LCP1: variants seen among roughly 807,000 people sequenced by gnomAD.
The protein encoded by LCP1 is plastin-2.
In LCP1, 23 loss-of-function variants were observed where a neutral mutation model predicts 72.0. The ratio of observed to expected loss-of-function variants is 0.32; its 90% CI spans 0.23 to 0.45. The LOEUF (loss-of-function observed/expected upper bound fraction) is 0.45. Among genes scored for constraint, LCP1 ranks in the 20% least tolerant of loss-of-function variants. The pLI, the probability that LCP1 is intolerant of heterozygous loss-of-function variation, is 1.00. For synonymous variants in LCP1, 245 were observed against 275.4 expected (o/e 0.89, Z 1.09); for missense variants, 571 against 748.3 (o/e 0.76, Z 2.76).
intron 4 of LCP1, among the ~76,000 whole-genome samples, chr13:46,157,742 T>C (rs940944954): frequency 2.1e-5 from 2 of 93,702 alleles, no homozygotes; most frequent in Admixed American, 9.9e-5. Context: ...ATGACTTATC[T>C]TTTTTTTTTT....
chr13:46,179,777 T>C (rs2045947770), intron 1 of LCP1, among the ~76,000 whole-genome samples: 1 of 150,924 alleles, frequency 6.6e-6, no homozygotes, highest in African/African-American at 2.4e-5. Context: ...TAGTGGGAGG[T>C]TGAACAGAAG....
At chr13:46,166,837 C>T (rs772775576) in intron 1 of LCP1, among the ~76,000 whole-genome samples, 14 of 152,016 alleles carry the variant, frequency 9.2e-5, no homozygotes, top group African/African-American at 1.5e-4. Flanking sequence ...TCTTACTTTG[C>T]GAATATATGG....
At chr13:46,170,145 A>G (rs1566445995) in intron 1 of LCP1, among the ~76,000 whole-genome samples, 1 of 152,246 alleles carries the variant, frequency 6.6e-6, no homozygotes, top group Non-Finnish European at 1.5e-5. Context: ...TTCTTTGAGG[A>G]ATTTAACAAT....
rs2138233169 is a variant in LCP1, at chr13:46,142,291, C to A, written c.1502+1G>T. On this transcript the variant is annotated splice_donor_variant, in intron 13 of 15. Transcript: ENST00000323076. LOFTEE classifies it high-confidence loss of function. ...AAAGCCACTTCCATAAGCTATACTACCTTCTCATTAGCTGCCAAATCAAGG... is the reference window on the plus strand; with the variant it reads ...AAAGCCACTTCCATAAGCTATACTAACTTCTCATTAGCTGCCAAATCAAGG... 1 of 1,613,476 alleles carries A rather than the reference C, an allele frequency of 6.2e-7. No individual in the cohort carries two copies.
intron 8 of LCP1, among the ~76,000 whole-genome samples, chr13:46,149,547 C>T (rs1194061099): frequency 1.3e-5 from 2 of 152,202 alleles, no homozygotes; most frequent in Non-Finnish European, 2.9e-5. Flanking sequence ...TGGGTGTTCT[C>T]CTCGCCTTTG....
intron 1 of LCP1, among the ~76,000 whole-genome samples, chr13:46,175,553 G>A (rs937736217): frequency 5.9e-5 from 9 of 152,080 alleles, no homozygotes; most frequent in East Asian, 1.9e-4. Context: ...GAAGAACTGC[G>A]TGCAGTGAAC....
intron 7 of LCP1, among the ~76,000 whole-genome samples, chr13:46,151,889 T>C (rs574147370): frequency 6.6e-6 from 1 of 152,352 alleles, no homozygotes; most frequent in East Asian, 1.9e-4. Context: ...GTGGGCTACC[T>C]CTGTCTAAGC....
chr13:46,130,687 G>T, intron 15 of LCP1, 127 bp downstream of exon 15: 3 of 1,143,592 alleles, frequency 2.6e-6, no homozygotes, highest in Non-Finnish European at 1.2e-6. Context: ...AGAAAGTCAT[G>T]AGAAGGAAAA....
At chr13:46,180,696 C>T (rs909463799) in intron 1 of LCP1, among the ~76,000 whole-genome samples, 1 of 152,226 alleles carries the variant, frequency 6.6e-6, no homozygotes, top group Non-Finnish European at 1.5e-5. Flanking sequence ...GTAAACTTAA[C>T]TTTAAACAGG....
intron 1 of LCP1, 111 bp downstream of exon 1, chr13:46,182,000 G>A (rs2045958327): frequency 6.6e-6 from 1 of 152,212 alleles, no homozygotes; most frequent in Admixed American, 6.5e-5. Flanking sequence ...GGTCTCAGGT[G>A]ACATGCTCAG....
rs1369730563 is a variant in LCP1 at position 46,159,684 on chromosome 13, G to T, written c.-22C>A. On this transcript the variant is annotated splice_region_variant and 5_prime_UTR_variant, in exon 2 of 16. The change creates a new upstream start codon in the 5' untranslated region. Coordinates refer to ENST00000323076, the MANE Select transcript of LCP1 (RefSeq NM_002298.5). ...CCATTTTTTATTGCTTTAGGTAACA[G>T]ATCTGGAGAGAAGAAGAACATAAGG... 1 of 1,585,790 alleles carries T rather than the reference G, an allele frequency of 6.3e-7. No individual in the cohort carries two copies. Among genetic ancestry groups the T allele is most frequent in the Admixed American group, 1.7e-5 (1 of 59,800 alleles).
At position 46,149,194 on chromosome 13, in the gene LCP1, C is replaced by G. The variant is rs1272056131; in HGVS notation, c.883-747G>C. Among the ~76,000 whole-genome samples the G allele has an allele frequency of 2.0e-5, 3 of 152,178 alleles. No individual in the cohort carries two copies. The East Asian group carries it at 5.8e-4, about 29-fold the overall frequency. On this transcript the variant is annotated intron_variant, in intron 8 of 15. Transcript: ENST00000323076. ...AAATCATTTAATAGCATCTCAATTTCTCATAAAGATCGAAAAATCAGCTAT... is the reference window on the plus strand; with the variant it reads ...AAATCATTTAATAGCATCTCAATTTGTCATAAAGATCGAAAAATCAGCTAT...
At chr13:46,180,291 C>A (rs537641827) in intron 1 of LCP1, among the ~76,000 whole-genome samples, 1 of 152,166 alleles carries the variant, frequency 6.6e-6, no homozygotes, top group African/African-American at 2.4e-5. Flanking sequence ...GCTTACACTA[C>A]GTGCTCATAA....
intron 10 of LCP1, among the ~76,000 whole-genome samples, chr13:46,145,002 C>T (rs1411530036): frequency 6.6e-6 from 1 of 152,060 alleles, no homozygotes; most frequent in East Asian, 1.9e-4. Context: ...GGGGAGATAG[C>T]AAGGGGTGGG....
At chr13:46,158,462 A>T in intron 4 of LCP1, 60 bp downstream of exon 4, 8 of 1,581,834 alleles carry the variant, frequency 5.1e-6, no homozygotes, top group Non-Finnish European at 6.9e-6. Context: ...CTTAGGTTTG[A>T]ATACCAAGTT....
Position 46,126,684 on chromosome 13 carries a change from G to T in LCP1, c.*907C>A, listed in dbSNP as rs2045600370. 4.3e-6 allele frequency: 1 copy of T among 231,482 alleles called. No individual in the cohort carries two copies. Among genetic ancestry groups the T allele is most frequent in the African/African-American group, 2.2e-5 (1 of 45,242 alleles). The allele number at this position is 231,482 out of a possible 1,614,324, so 14.3% of individuals were successfully genotyped here. A position where few individuals can be genotyped will look rare whatever the true frequency, so the allele number is the denominator to read the frequency against. ...CACAGTAACTAGATCTAATGTGAGG[G>T]CTAAATGCCTGGAGAGGCAGAACCC... On this transcript the variant is annotated 3_prime_UTR_variant, in exon 16 of 16. Coordinates refer to ENST00000323076, the MANE Select transcript of LCP1 (RefSeq NM_002298.5).
intron 1 of LCP1, among the ~76,000 whole-genome samples, chr13:46,163,677 T>C (rs2045860587): frequency 6.6e-6 from 1 of 151,588 alleles, no homozygotes. Flanking sequence ...GTATATGGAC[T>C]ATGGATAGCC....
At chr13:46,150,567 T>C (rs2045757611) in intron 8 of LCP1, among the ~76,000 whole-genome samples, 2 of 152,214 alleles carry the variant, frequency 1.3e-5, no homozygotes, top group Non-Finnish European at 2.9e-5. Context: ...CTTCATTTAA[T>C]TTTTTACAGG....
intron 1 of LCP1, among the ~76,000 whole-genome samples, chr13:46,177,078 G>C (rs1740164269): frequency 6.6e-6 from 1 of 152,182 alleles, no homozygotes; most frequent in South Asian, 2.1e-4. Flanking sequence ...CAGGCTCCTT[G>C]TACTTGCAAG....
Sources: gnomAD v4.1 joint callset for allele counts (sites outside exome capture counted in the v4.1 genomes callset) on GRCh38, gnomAD v4.1.1 for gene constraint, MANE v1.5 for transcripts, NCBI Gene and HGNC (gene_info 2026-07-23, HGNC 2026-07-21) for gene names.